The following CDH12 variants were observed in gnomAD, a reference collection of about 807,000 sequenced individuals.
CDH12 encodes cadherin 12, also known as cadherin-12.
In CDH12, 41 loss-of-function variants were observed where a neutral mutation model predicts 74.1. That is an observed-to-expected ratio of 0.55 (90% CI 0.43 to 0.72). The LOEUF (loss-of-function observed/expected upper bound fraction) is 0.72, where lower values mean the gene tolerates loss of function less well. Among genes scored for constraint, CDH12 ranks in the 30% least tolerant of loss-of-function variants. The probability of loss-of-function intolerance (pLI) is 0.00; values close to 1 mark genes in which losing one functional copy is unlikely to be tolerated. For synonymous variants in CDH12, 399 were observed against 355.0 expected, an observed-to-expected ratio of 1.12 and a Z score of -1.39; for missense variants, 945 against 977.2, an observed-to-expected ratio of 0.97 and a Z score of 0.44.
chr5:22,546,726 A>G (rs1337816508), intron 1 of CDH12, among the ~76,000 whole-genome samples: 1 of 152,194 alleles, frequency 6.6e-6, no homozygotes, highest in Non-Finnish European at 1.5e-5. Flanking sequence ...CTGTGCTTGA[A>G]AAGACAGAGA....
At chr5:22,081,937 T>C (rs571576743) in intron 4 of CDH12, among the ~76,000 whole-genome samples, 7 of 152,290 alleles carry the variant, frequency 4.6e-5, no homozygotes, top group Admixed American at 4.6e-4. Flanking sequence ...AACATAAATT[T>C]AACATGCAAA....
intron 1 of CDH12, among the ~76,000 whole-genome samples, chr5:22,593,996 T>C (rs199671248): frequency 1.3e-5 from 2 of 152,324 alleles, no homozygotes; most frequent in East Asian, 1.9e-4. Context: ...AAGGAAGGAA[T>C]GCTTGAATTG....
At chr5:22,248,780 A>T (rs1349206642) in intron 3 of CDH12, among the ~76,000 whole-genome samples, 1 of 152,054 alleles carries the variant, frequency 6.6e-6, no homozygotes, top group Non-Finnish European at 1.5e-5. Flanking sequence ...ATTATTGTAG[A>T]CTCCAGATTT....
At chr5:22,539,667 G>T (rs540868091) in intron 1 of CDH12, among the ~76,000 whole-genome samples, 54 of 152,268 alleles carry the variant, frequency 3.5e-4, no homozygotes, top group African/African-American at 1.3e-3. Context: ...AAATGAGGTG[G>T]TGCTAAAATC....
intron 3 of CDH12, among the ~76,000 whole-genome samples, chr5:22,323,236 T>C (rs560661226): frequency 6.6e-6 from 1 of 152,316 alleles, no homozygotes; most frequent in African/African-American, 2.4e-5. Context: ...TCATGTTTTC[T>C]ACCTCTTAGA....
chr5:22,287,043 C>G (rs1326580685), intron 3 of CDH12, among the ~76,000 whole-genome samples: 1 of 152,096 alleles, frequency 6.6e-6, no homozygotes, highest in African/African-American at 2.4e-5. Context: ...ATGGAGGAGG[C>G]CTTGAACTGG....
intron 3 of CDH12, among the ~76,000 whole-genome samples, chr5:22,234,811 C>A (rs1424372273): frequency 6.6e-6 from 1 of 151,856 alleles, no homozygotes; most frequent in African/African-American, 2.4e-5. Flanking sequence ...ATAAAACACA[C>A]AAATGTCAAT....
intron 4 of CDH12, among the ~76,000 whole-genome samples, chr5:22,081,077 C>T (rs751416642): frequency 1.3e-5 from 2 of 152,104 alleles, no homozygotes; most frequent in Non-Finnish European, 2.9e-5. Context: ...CCTCGCTTGG[C>T]CTCTTTCCAA....
intron 8 of CDH12, among the ~76,000 whole-genome samples, chr5:21,830,311 C>G (rs898585943): frequency 2.7e-5 from 4 of 149,210 alleles, no homozygotes; most frequent in African/African-American, 9.9e-5. Flanking sequence ...CATCTCCACT[C>G]AAGCACGTTG....
At chr5:21,832,943 A>T (rs1377092848) in intron 8 of CDH12, among the ~76,000 whole-genome samples, 1 of 40,788 alleles carries the variant, frequency 2.5e-5, no homozygotes, top group Admixed American at 3.6e-4. Flanking sequence ...ATTATATATA[A>T]TATCATATTA....
chr5:22,585,881 C>T (rs1025579765), intron 1 of CDH12, among the ~76,000 whole-genome samples: 1 of 151,998 alleles, frequency 6.6e-6, no homozygotes, highest in African/African-American at 2.4e-5. Context: ...AACAATTTTA[C>T]ACTGTTGGTG....
chr5:22,644,596 A>G (rs998514158), intron 1 of CDH12, among the ~76,000 whole-genome samples: 1 of 151,998 alleles, frequency 6.6e-6, no homozygotes, highest in African/African-American at 2.4e-5. Context: ...CATAACATGA[A>G]AGTGCAAGAT....
intron 6 of CDH12, among the ~76,000 whole-genome samples, chr5:21,873,027 G>C (rs953446995): frequency 6.6e-6 from 1 of 152,016 alleles, no homozygotes; most frequent in South Asian, 2.1e-4. Flanking sequence ...ATATACGTGT[G>C]TGTATAAACT....
intron 4 of CDH12, among the ~76,000 whole-genome samples, chr5:22,079,377 G>A (rs1742560137): frequency 6.6e-6 from 1 of 151,982 alleles, no homozygotes; most frequent in South Asian, 2.1e-4. Context: ...CCCTAGGGGA[G>A]CAAAAAATGC....
chr5:22,577,219 A>T (rs1003631633), intron 1 of CDH12, among the ~76,000 whole-genome samples: 144 of 152,330 alleles, frequency 9.5e-4, no homozygotes, highest in Non-Finnish European at 1.9e-3. Flanking sequence ...CTATAAAAAA[A>T]CGGGTTAAGC....
chr5:22,326,249 T>C (rs527569506), intron 3 of CDH12, among the ~76,000 whole-genome samples: 10 of 152,218 alleles, frequency 6.6e-5, no homozygotes, highest in South Asian at 2.1e-4. Flanking sequence ...TTCTTTCTTT[T>C]TTTGAGACGG....
intron 4 of CDH12, among the ~76,000 whole-genome samples, chr5:22,180,916 A>T (rs1428402190): frequency 2.0e-5 from 3 of 152,090 alleles, no homozygotes; most frequent in Non-Finnish European, 2.9e-5. Flanking sequence ...TATTTGTTAG[A>T]CATCAAAAGG....
At chr5:22,552,869 G>GAAAGAGAC (rs1284078984) in intron 1 of CDH12, among the ~76,000 whole-genome samples, 1 of 152,114 alleles carries the variant, frequency 6.6e-6, no homozygotes, top group African/African-American at 2.4e-5. Flanking sequence ...ATATGAGAGA[G>GAAAGAGAC]AAAGAGAAAG....
At chr5:22,513,424 C>T (rs1206184358) in intron 1 of CDH12, among the ~76,000 whole-genome samples, 1 of 152,042 alleles carries the variant, frequency 6.6e-6, no homozygotes, top group East Asian at 1.9e-4. Flanking sequence ...ACTCTCCAGG[C>T]CCTTAGTGTC....
Sources: allele counts gnomAD v4.1 joint callset (sites outside exome capture counted in the v4.1 genomes callset), GRCh38; gene constraint gnomAD v4.1.1; transcripts MANE v1.5; gene names NCBI Gene and HGNC (gene_info 2026-07-23, HGNC 2026-07-21).